Variants in DPYD observed in about 807,000 individuals in gnomAD.
DPYD encodes dihydropyrimidine dehydrogenase [NADP(+)].
A neutral mutation model predicts 116.2 loss-of-function variants in DPYD; 109 were observed. That is an observed-to-expected ratio of 0.94 (90% confidence interval 0.80 to 1.10). The LOEUF is 1.10. Ranked by LOEUF, DPYD falls within the 50% of genes least tolerant of loss-of-function variation. The pLI, the probability that DPYD is intolerant of heterozygous loss-of-function variation, is 0.00. For missense variants in DPYD, 1,302 were observed against 1,254.5 expected, an observed-to-expected ratio of 1.04 and a Z score of -0.57; for synonymous variants, 440 against 432.0, an observed-to-expected ratio of 1.02 and a Z score of -0.23.
chr1:97,079,211 G>C, intron 22 of DPYD, 65 bp from the exon 23 acceptor site: 2 of 1,585,998 alleles, frequency 1.3e-6, no homozygotes, highest in African/African-American at 2.7e-5. Context: ...CCCCATTTTA[G>C]CGTTAACATT....
chr1:97,173,502 A>T (rs1196093627), intron 20 of DPYD, among the ~76,000 whole-genome samples: 250 of 151,342 alleles, frequency 1.7e-3, no homozygotes, highest in African/African-American at 5.8e-3. Flanking sequence ...GCATATATAA[A>T]ATACACACAC....
At chr1:97,611,999 G>A (rs1437241649) in intron 8 of DPYD, among the ~76,000 whole-genome samples, 1 of 151,968 alleles carries the variant, frequency 6.6e-6, no homozygotes, top group African/African-American at 2.4e-5. Flanking sequence ...TAACCTTCAA[G>A]CATTAGTTTA....
intron 8 of DPYD, among the ~76,000 whole-genome samples, chr1:97,670,244 T>C (rs144495695): frequency 7.9e-5 from 12 of 152,264 alleles, no homozygotes; most frequent in African/African-American, 1.4e-4. Flanking sequence ...AGACCTATAG[T>C]ATGATTACCA....
chr1:97,868,827 G>T (rs977263764), intron 2 of DPYD, among the ~76,000 whole-genome samples: 1 of 151,658 alleles, frequency 6.6e-6, no homozygotes, highest in Non-Finnish European at 1.5e-5. Context: ...CTCTATCTAG[G>T]TCATTAAAAC....
chr1:97,607,403 T>A (rs936483511), intron 8 of DPYD, among the ~76,000 whole-genome samples: 1 of 151,890 alleles, frequency 6.6e-6, no homozygotes, highest in African/African-American at 2.4e-5. Flanking sequence ...AGGGGCAGAT[T>A]CTAAGGGAAG....
chr1:97,525,978 AGT>A (rs71071658), intron 12 of DPYD, among the ~76,000 whole-genome samples: 55,059 of 137,852 alleles, frequency 0.4, 11,766 homozygotes, highest in Non-Finnish European at 0.51. Context: ...GGTAATTAAG[AGT>A]GTGTGTGTGT....
At chr1:97,814,437 A>G (rs765237073) in intron 3 of DPYD, among the ~76,000 whole-genome samples, 5 of 151,950 alleles carry the variant, frequency 3.3e-5, no homozygotes, top group Non-Finnish European at 7.4e-5. Context: ...GAAAGAATGT[A>G]AAAAGGGAAA....
chr1:97,369,441 A>C (rs1330005270), intron 16 of DPYD, among the ~76,000 whole-genome samples: 2 of 152,158 alleles, frequency 1.3e-5, no homozygotes, highest in African/African-American at 4.8e-5. Context: ...TAACATTGAT[A>C]TTGCAATACC....
intron 20 of DPYD, among the ~76,000 whole-genome samples, chr1:97,113,434 G>T (rs1386178350): frequency 6.6e-6 from 1 of 152,094 alleles, no homozygotes; most frequent in African/African-American, 2.4e-5. Context: ...AGAGGAAGAA[G>T]AAGTGAATTT....
At chr1:97,785,836 G>C (rs1468179248) in intron 3 of DPYD, among the ~76,000 whole-genome samples, 2 of 151,398 alleles carry the variant, frequency 1.3e-5, no homozygotes, top group African/African-American at 4.9e-5. Flanking sequence ...GGGACTACAG[G>C]TGCTGGCCAC....
chr1:97,586,834 T>C (rs1056716174), intron 10 of DPYD, among the ~76,000 whole-genome samples: 3 of 151,950 alleles, frequency 2.0e-5, no homozygotes, highest in Non-Finnish European at 1.5e-5. Context: ...TGGCTGGGGA[T>C]ACATTAATTG....
At chr1:97,499,129 C>A (rs907933275) in intron 13 of DPYD, among the ~76,000 whole-genome samples, 1 of 151,586 alleles carries the variant, frequency 6.6e-6, no homozygotes, top group East Asian at 1.9e-4. Flanking sequence ...ATTTTTCTCC[C>A]TCAGGAGATA....
chr1:97,458,124 A>C (rs1455483228), intron 13 of DPYD, among the ~76,000 whole-genome samples: 4 of 152,214 alleles, frequency 2.6e-5, no homozygotes, highest in Non-Finnish European at 5.9e-5. Flanking sequence ...GCAGCTGTGA[A>C]GGTGTAAGCA....
chr1:97,573,684 C>T (rs1010723326), intron 11 of DPYD, 76 bp downstream of exon 11: 3 of 1,569,872 alleles, frequency 1.9e-6, no homozygotes, highest in African/African-American at 1.4e-5. Context: ...AAAAACAATT[C>T]CCTGAAAGCT....
chr1:97,413,157 A>G (rs1489047592), intron 14 of DPYD, among the ~76,000 whole-genome samples: 1 of 152,218 alleles, frequency 6.6e-6, no homozygotes, highest in Non-Finnish European at 1.5e-5. Flanking sequence ...TTTTTACTAA[A>G]TAAAAGAATG....
At chr1:97,510,911 GT>G (rs1296824971) in intron 13 of DPYD, among the ~76,000 whole-genome samples, 1 of 151,892 alleles carries the variant, frequency 6.6e-6, no homozygotes, top group East Asian at 1.9e-4. Context: ...ATAAGACATT[GT>G]GAGGCAAGAG....
At chr1:97,133,402 A>T (rs1300252239) in intron 20 of DPYD, among the ~76,000 whole-genome samples, 1 of 152,040 alleles carries the variant, frequency 6.6e-6, no homozygotes, top group Non-Finnish European at 1.5e-5. Context: ...TAACTTATGC[A>T]GGGGAATCTG....
chr1:97,777,989 C>G (rs1666512149), intron 3 of DPYD, among the ~76,000 whole-genome samples: 1 of 151,586 alleles, frequency 6.6e-6, no homozygotes. Flanking sequence ...GCAACCCCAT[C>G]TCTACTAAAA....
At chr1:97,839,318 T>C (rs1181931235) in intron 2 of DPYD, among the ~76,000 whole-genome samples, 4 of 152,228 alleles carry the variant, frequency 2.6e-5, no homozygotes, top group Non-Finnish European at 4.4e-5. Context: ...TATGTAACAA[T>C]AATTTTCTGT....
Sources: allele counts gnomAD v4.1 joint callset (sites outside exome capture counted in the v4.1 genomes callset), GRCh38; gene constraint gnomAD v4.1.1; transcripts MANE v1.5; gene names NCBI Gene and HGNC (gene_info 2026-07-23, HGNC 2026-07-21).